The following PRR14L variants were observed in gnomAD, a reference collection of about 807,000 sequenced individuals.
PRR14L encodes proline rich 14 like.
PRR14L carries 80 observed loss-of-function variants against 155.0 expected under a neutral mutation model. That is an observed-to-expected ratio of 0.52 (90% CI 0.43 to 0.62). The LOEUF (loss-of-function observed/expected upper bound fraction) is 0.62. PRR14L is among the 20% of genes least tolerant of loss of function. The pLI is 0.00. For synonymous variants in PRR14L, 883 were observed against 916.0 expected (o/e 0.96, Z 0.65); for missense variants, 2,469 against 2,548.0 (o/e 0.97, Z 0.67).
chr22:31,688,845 C>CT (rs1369390720), intron 7 of PRR14L, among the ~76,000 whole-genome samples: 2 of 151,016 alleles, frequency 1.3e-5, no homozygotes, highest in Non-Finnish European at 2.9e-5. Flanking sequence ...GCCTAGGAGT[C>CT]TGACACTGGG....
At position 31,713,476 on chromosome 22, in the gene PRR14L, C is replaced by A; in HGVS notation, c.4363G>T (p.Asp1455Tyr). ...TTCTGAGTCTGTGCCACAATGCTGT[C>A]CTTGGCCAGCTTTGCTAGGGTGATT... The part of the protein sequence containing the change: ...NEITLAKLAK[D>Y]SIVAQTQKLE... Residue 1455 changes from aspartate (D) to tyrosine (Y), a missense_variant, in exon 4 of 9, where the codon GAC becomes TAC. Asp to Tyr is a radical substitution (Grantham distance 160). Transcript: ENST00000327423. The A allele has an allele frequency of 5.2e-6, 8 of 1,552,010 alleles. No homozygotes were observed. Among genetic ancestry groups the A allele is most frequent in the Non-Finnish European group, 7.0e-6 (8 of 1,147,074 alleles).
Position 31,685,781 on chromosome 22 carries a change from C to A in PRR14L, c.6202G>T (p.Glu2068Ter). 6.4e-7 allele frequency: 1 copy of A among 1,551,600 alleles called. No homozygotes were observed. Among genetic ancestry groups the A allele is most frequent in the Non-Finnish European group, 8.7e-7 (1 of 1,146,944 alleles). The stretch of plus-strand genomic sequence containing the variant: ...AGTGTACCATTTCGTTCCTTGGGTT[C>A]CTCAAAGATGGTCTCTAAACACCTA... ...ANRCLETIFE[E>*]PKERNGTLIS... The change falls in exon 9 of 9, where the codon GAA becomes TAA. Residue 2068 changes from glutamate to a stop codon, truncating the protein, a stop_gained. Coordinates refer to ENST00000327423, the MANE Select transcript of PRR14L (RefSeq NM_173566.3). LOFTEE classifies it high-confidence loss of function.
At chr22:31,718,284 C>A (rs182525696) in intron 3 of PRR14L, among the ~76,000 whole-genome samples, 79 of 142,400 alleles carry the variant, frequency 5.5e-4, no homozygotes, top group Non-Finnish European at 9.6e-4. Flanking sequence ...GAGACAGAGT[C>A]TTGCTTTGTC....
chr22:31,722,823 C>T lies in PRR14L; in HGVS notation c.547+2715G>A, dbSNP rs180738639. Among the ~76,000 whole-genome samples, 324 of 152,252 alleles carry T rather than the reference C, an allele frequency of 2.1e-3. 2 individuals carry two copies. The highest frequency in any genetic ancestry group is 7.6e-3 in the African/African-American group (314 of 41,528). On this transcript the variant is annotated intron_variant, in intron 3 of 8. Coordinates refer to ENST00000327423, the MANE Select transcript of PRR14L (RefSeq NM_173566.3). ...CTGGGATTACAGGTGTAAGCCACTG[C>T]GCCCAGCCGGCATCATTCAGTTCTT...
chr22:31,733,356 G>A (rs1445802089), intron 2 of PRR14L, among the ~76,000 whole-genome samples: 2 of 128,108 alleles, frequency 1.6e-5, no homozygotes, highest in African/African-American at 6.2e-5. Context: ...TCAGGCTGGA[G>A]TGCAGTGGTG....
chr22:31,749,633 C>T (rs189880972), intron 1 of PRR14L, among the ~76,000 whole-genome samples: 62 of 152,298 alleles, frequency 4.1e-4, no homozygotes, highest in Admixed American at 3.0e-3. Flanking sequence ...GGGAGTGGGT[C>T]TCCCTCTGCT....
chr22:31,723,111 G>A (rs1407024360), intron 3 of PRR14L, among the ~76,000 whole-genome samples: 1 of 152,086 alleles, frequency 6.6e-6, no homozygotes, highest in African/African-American at 2.4e-5. Flanking sequence ...GAATGTTCTT[G>A]GGGGACAGAA....
chr22:31,713,917 C>T lies in PRR14L; in HGVS notation c.3922G>A (p.Ala1308Thr). The T allele has an allele frequency of 6.4e-7, 1 of 1,551,862 alleles. No individual in the cohort carries two copies. The highest frequency in any genetic ancestry group is 8.7e-7 in the Non-Finnish European group (1 of 1,147,016). The change falls in exon 4 of 9, where the codon GCT (alanine) becomes ACT (threonine). Residue 1308 changes from alanine (A) to threonine (T), a missense_variant. By Grantham distance (58) the Ala-to-Thr change is moderately conservative. Transcript: ENST00000327423. ...DSVCTCVEKN[A>T]CKACHPHENS... ...TCGTGAGGGTGACAAGCTTTGCAAG[C>T]ATTCTTTTCCACACAGGTACATACG...
At chr22:31,711,316 C>A (rs1197736690) in intron 4 of PRR14L, among the ~76,000 whole-genome samples, 2 of 151,314 alleles carry the variant, frequency 1.3e-5, no homozygotes, top group East Asian at 3.9e-4. Context: ...ACTAAAAATA[C>A]AAAAATTAGC....
At chr22:31,688,895 T>TACAC (rs1170285977) in intron 7 of PRR14L, among the ~76,000 whole-genome samples, 1 of 136,202 alleles carries the variant, frequency 7.3e-6, no homozygotes, top group African/African-American at 3.0e-5. Context: ...TTAAAAAATA[T>TACAC]ATACATACAC....
rs955537966 is a variant in PRR14L at position 31,750,054 on chromosome 22, C to G, written c.-113G>C. 1 of 153,140 alleles carries G rather than the reference C, an allele frequency of 6.5e-6. No individual in the cohort carries two copies. The highest frequency in any genetic ancestry group is 1.5e-5 in the Non-Finnish European group (1 of 68,804). The allele number at this position is 153,140 out of a possible 1,614,324, so 9.5% of individuals were successfully genotyped here. On this transcript the variant is annotated 5_prime_UTR_variant, in exon 1 of 9. Coordinates refer to ENST00000327423, the MANE Select transcript of PRR14L (RefSeq NM_173566.3). Reference sequence around the variant, plus strand: ...AGCTCAGCCCCTGCAGCTGCAGCCCCGTCGTCGCCAGGTCTACCTGAGCCT... The same window carrying G: ...AGCTCAGCCCCTGCAGCTGCAGCCCGGTCGTCGCCAGGTCTACCTGAGCCT...
chr22:31,698,792 G>A (rs1379428406), intron 7 of PRR14L, among the ~76,000 whole-genome samples: 1 of 151,330 alleles, frequency 6.6e-6, no homozygotes, highest in Non-Finnish European at 1.5e-5. Context: ...CGTACTGGCG[G>A]GCGCCTGTAG....
intron 2 of PRR14L, among the ~76,000 whole-genome samples, chr22:31,727,376 G>C (rs1291240226): frequency 6.6e-6 from 1 of 151,806 alleles, no homozygotes; most frequent in African/African-American, 2.4e-5. Flanking sequence ...TGGGACTACA[G>C]GTGCACGCCG....
chr22:31,743,348 G>A (rs1017192532), intron 1 of PRR14L, among the ~76,000 whole-genome samples: 1 of 151,952 alleles, frequency 6.6e-6, no homozygotes, highest in East Asian at 1.9e-4. Flanking sequence ...GACAGCTGAG[G>A]GACACAGAGT....
intron 4 of PRR14L, among the ~76,000 whole-genome samples, chr22:31,707,863 C>CT (rs2074600113): frequency 6.6e-6 from 1 of 152,136 alleles, no homozygotes; most frequent in South Asian, 2.1e-4. Flanking sequence ...AAAAATAACT[C>CT]TAAAGGCCGG....
intron 2 of PRR14L, among the ~76,000 whole-genome samples, chr22:31,731,389 C>T (rs1350411876): frequency 6.6e-6 from 1 of 151,580 alleles, no homozygotes; most frequent in African/African-American, 2.4e-5. Context: ...ACGGTGAAAC[C>T]CCGTCTCTAC....
intron 2 of PRR14L, among the ~76,000 whole-genome samples, chr22:31,736,694 A>G (rs1390287877): frequency 6.6e-6 from 1 of 152,106 alleles, no homozygotes; most frequent in Non-Finnish European, 1.5e-5. Flanking sequence ...TCATTTATGT[A>G]TTGCCTCTGC....
chr22:31,728,048 G>A (rs2074727300), intron 2 of PRR14L, among the ~76,000 whole-genome samples: 1 of 151,714 alleles, frequency 6.6e-6, no homozygotes, highest in African/African-American at 2.4e-5. Context: ...GGTCAAATGT[G>A]AGAGACCTCC....
At position 31,712,838 on chromosome 22, in the gene PRR14L, T is replaced by A. The variant is rs131224; in HGVS notation, c.5001A>T (p.Thr1667=). Residue 1667 remains threonine (T), a synonymous_variant, in exon 4 of 9, where the codon ACA becomes ACT. Transcript: ENST00000327423. ...KRLLDGFSSS[T]EQLNPYLAAS... ...CTGCCAAATATGGATTCAGCTGCTC[T>A]GTGCTGGATGAAAATCCGTCCAGGA... 112,016 of 1,551,972 alleles carry A rather than the reference T, an allele frequency of 0.072. 5,035 individuals carry two copies. Among genetic ancestry groups the A allele is most frequent in the African/African-American group, 0.18 (13,408 of 73,120 alleles).
Sources: allele counts gnomAD v4.1 joint callset (sites outside exome capture counted in the v4.1 genomes callset), GRCh38; gene constraint gnomAD v4.1.1; transcripts MANE v1.5; gene names NCBI Gene and HGNC (gene_info 2026-07-23, HGNC 2026-07-21).